JPH2: variants seen among roughly 807,000 people sequenced by gnomAD.
The protein encoded by JPH2 is junctophilin 2.
A neutral mutation model predicts 55.9 loss-of-function variants in JPH2; 38 were observed. That is an observed-to-expected ratio of 0.68 (90% CI 0.52 to 0.89). The LOEUF (loss-of-function observed/expected upper bound fraction) is 0.89. Ranked by LOEUF, JPH2 falls within the 40% of genes least tolerant of loss-of-function variation. The pLI is 0.00. For synonymous variants in JPH2, 480 were observed against 472.4 expected, an observed-to-expected ratio of 1.02 and a Z score of -0.21; for missense variants, 964 against 1,037.6, an observed-to-expected ratio of 0.93 and a Z score of 0.97.
intron 1 of JPH2, among the ~76,000 whole-genome samples, chr20:44,162,636 C>G (rs544693744): frequency 4.4e-4 from 67 of 151,236 alleles, no homozygotes; most frequent in African/African-American, 1.6e-3. Flanking sequence ...ACATCAGACT[C>G]CAAGTTCTTC....
At chr20:44,153,416 A>G (rs973273827) in intron 2 of JPH2, among the ~76,000 whole-genome samples, 1 of 152,234 alleles carries the variant, frequency 6.6e-6, no homozygotes, top group Non-Finnish European at 1.5e-5. Context: ...GGTCCATCCA[A>G]TGCCACTGCC....
chr20:44,129,109 G>A (rs945035050), intron 2 of JPH2, among the ~76,000 whole-genome samples: 1 of 152,032 alleles, frequency 6.6e-6, no homozygotes, highest in African/African-American at 2.4e-5. Context: ...TCTGAGGTTG[G>A]GGGCTGTGAT....
At chr20:44,178,159 T>C (rs1184001685) in intron 1 of JPH2, among the ~76,000 whole-genome samples, 1 of 152,164 alleles carries the variant, frequency 6.6e-6, no homozygotes, top group Non-Finnish European at 1.5e-5. Context: ...TGATTTTCAA[T>C]AACAGTCAAA....
chr20:44,126,643 G>T (rs1018044424), intron 2 of JPH2, among the ~76,000 whole-genome samples: 26 of 152,176 alleles, frequency 1.7e-4, no homozygotes, highest in African/African-American at 6.3e-4. Flanking sequence ...AAGGATGCAG[G>T]TGCAGTCAGG....
Position 44,160,467 on chromosome 20 carries a change from T to G in JPH2, c.380-60A>C. The stretch of plus-strand genomic sequence containing the variant: ...ACGACGGGTCCCCGCGTGTGCACGG[T>G]GGCCTGGGAGGGCAAGGGCGGGAGT... On this transcript the variant is annotated intron_variant, in intron 1 of 5. Transcript: ENST00000372980. This position sits in a 1 kb window ranked among gnomAD's most constrained non-coding sequence, Gnocchi z 4.9. 6.4e-7 allele frequency: 1 copy of G among 1,555,882 alleles called. No homozygotes were observed. The highest frequency in any genetic ancestry group is 8.7e-7 in the Non-Finnish European group (1 of 1,145,462).
At chr20:44,140,034 G>A (rs1397209765) in intron 2 of JPH2, among the ~76,000 whole-genome samples, 2 of 152,108 alleles carry the variant, frequency 1.3e-5, no homozygotes, top group African/African-American at 4.8e-5. Flanking sequence ...ACCTTGCCCA[G>A]CTAATTTTCT....
At chr20:44,134,703 TA>T (rs1258072168) in intron 2 of JPH2, among the ~76,000 whole-genome samples, 4,691 of 45,644 alleles carry the variant, frequency 0.1, 802 homozygotes, top group Admixed American at 0.16. Context: ...ATATATACAT[TA>T]ATATATATTA....
intron 1 of JPH2, among the ~76,000 whole-genome samples, chr20:44,185,666 C>A (rs1480941427): frequency 1.6e-5 from 2 of 121,538 alleles, no homozygotes; most frequent in Non-Finnish European, 3.5e-5. Flanking sequence ...ATGGATGGAT[C>A]ATAGATGGAT....
intron 1 of JPH2, among the ~76,000 whole-genome samples, chr20:44,175,428 C>T (rs184218381): frequency 6.6e-5 from 10 of 152,340 alleles, no homozygotes; most frequent in East Asian, 5.8e-4. Flanking sequence ...ACATTTTTCC[C>T]GTAACAATCC....
Position 44,168,961 on chromosome 20 carries a change from T to TC in JPH2, c.380-8555_380-8554insG, listed in dbSNP as rs1425877672. The stretch of plus-strand genomic sequence containing the variant: ...TCTGTTAATTCCCACAAGAGCTGGT[T>TC]GTTACAAAGAGCCTGGCACCTTTTC... On this transcript the variant is annotated intron_variant, in intron 1 of 5. Transcript: ENST00000372980. Among the ~76,000 whole-genome samples the TC allele has an allele frequency of 2.0e-5, 3 of 152,210 alleles. No homozygotes were observed. The South Asian group carries it at 6.2e-4, about 32-fold the overall frequency.
intron 2 of JPH2, among the ~76,000 whole-genome samples, chr20:44,132,172 G>C (rs947634957): frequency 3.3e-5 from 5 of 152,170 alleles, no homozygotes; most frequent in African/African-American, 1.2e-4. Flanking sequence ...ATGACAAAGA[G>C]TGAATTCCAA....
intron 1 of JPH2, among the ~76,000 whole-genome samples, chr20:44,166,078 G>T (rs1324209275): frequency 6.6e-6 from 1 of 152,182 alleles, no homozygotes; most frequent in Non-Finnish European, 1.5e-5. Flanking sequence ...GTGCCAAATA[G>T]GTACTCAGTA....
At chr20:44,183,241 C>T (rs2145901989) in intron 1 of JPH2, among the ~76,000 whole-genome samples, 1 of 152,346 alleles carries the variant, frequency 6.6e-6, no homozygotes, top group Non-Finnish European at 1.5e-5. Flanking sequence ...TTGCTTTCTG[C>T]TGTGTCTCCA....
At chr20:44,179,535 A>G (rs1399936975) in intron 1 of JPH2, among the ~76,000 whole-genome samples, 1 of 152,144 alleles carries the variant, frequency 6.6e-6, no homozygotes, top group Non-Finnish European at 1.5e-5. Flanking sequence ...AGTTATTACT[A>G]TTGTCAAGGC....
chr20:44,148,429 C>T (rs1173307483), intron 2 of JPH2, among the ~76,000 whole-genome samples: 1 of 152,142 alleles, frequency 6.6e-6, no homozygotes, highest in Non-Finnish European at 1.5e-5. Context: ...GCTCCTTCTG[C>T]TCTACGTGCC....
intron 1 of JPH2, chr20:44,177,545 G>T (rs1046070362): frequency 1.7e-5 from 19 of 1,135,386 alleles, no homozygotes; most frequent in African/African-American, 3.3e-5. Context: ...CTCTCCTGGG[G>T]TCTCCATAGA....
Position 44,159,673 on chromosome 20 carries a change from C to A in JPH2, c.1114G>T (p.Gly372Cys). The change falls in exon 2 of 6, where the codon GGT becomes TGT. Residue 372 changes from glycine (G) to cysteine (C), a missense_variant. Physicochemically the swap from Gly to Cys is radical, Grantham distance 159 (BLOSUM62 -3). Coordinates refer to ENST00000372980, the MANE Select transcript of JPH2 (RefSeq NM_020433.5). This position sits in a 1 kb window ranked among gnomAD's most constrained non-coding sequence, Gnocchi z 5.7. ...GCGATAGCAGCGGCGCGCTGGGCAC[C>A]CTCCACACTGTGCTCCACTTTCTGG... ...VRQKVEHSVE[G>C]AQRAAAIARQ... The A allele has an allele frequency of 6.2e-7, 1 of 1,611,884 alleles. No homozygotes were observed. Among genetic ancestry groups the A allele is most frequent in the Non-Finnish European group, 8.5e-7 (1 of 1,179,950 alleles).
intron 1 of JPH2, among the ~76,000 whole-genome samples, chr20:44,183,881 A>G (rs2072807784): frequency 6.6e-6 from 1 of 152,080 alleles, no homozygotes; most frequent in Non-Finnish European, 1.5e-5. Context: ...GCGGGGTGTG[A>G]TGGTTCACAC....
chr20:44,132,394 A>ACG (rs2072327240), intron 2 of JPH2, among the ~76,000 whole-genome samples: 1 of 146,662 alleles, frequency 6.8e-6, no homozygotes, highest in Non-Finnish European at 1.5e-5. Flanking sequence ...ACACACACAC[A>ACG]CACACACATT....
Sources: gnomAD v4.1 joint callset for allele counts (sites outside exome capture counted in the v4.1 genomes callset) on GRCh38, gnomAD v4.1.1 for gene constraint, Gnocchi (gnomAD v3.1) non-coding constraint, MANE v1.5 for transcripts, NCBI Gene and HGNC (gene_info 2026-07-23, HGNC 2026-07-21) for gene names.